TEX46: variants seen among roughly 807,000 people sequenced by gnomAD.
The protein encoded by TEX46 is testis expressed 46, also known as testis-expressed protein 46.
A neutral mutation model predicts 5.3 loss-of-function variants in TEX46; 6 were observed. That is an observed-to-expected ratio of 1.13 (90% confidence interval 0.62 to 2.23). The LOEUF (loss-of-function observed/expected upper bound fraction) is 2.23. Ranked by LOEUF, TEX46 falls within the 30% of genes most tolerant of loss-of-function variation. The pLI, the probability that TEX46 is intolerant of heterozygous loss-of-function variation, is 0.00. For missense variants in TEX46, 131 were observed against 150.9 expected (o/e 0.87, Z 0.69); for synonymous variants, 41 against 54.6 (o/e 0.75, Z 1.10).
Position 23,013,876 on chromosome 1 carries a change from T to G in TEX46, c.165+7A>C. ...TGAGCTGAAGCCAAGCCCCATCTTG[T>G]GCTCACCTGCTGGGGCTCTGGGAGG... On this transcript the variant is annotated splice_region_variant and intron_variant, in intron 2 of 2. Coordinates refer to ENST00000566855, the MANE Select transcript of TEX46 (RefSeq NM_001242521.2). 6.5e-7 allele frequency: 1 copy of G among 1,535,700 alleles called. No individual in the cohort carries two copies. Among genetic ancestry groups the G allele is most frequent in the South Asian group, 1.2e-5 (1 of 83,982 alleles).
At chr1:23,015,464 A>AAAAAAC (rs1641407103) in intron 1 of TEX46, among the ~76,000 whole-genome samples, 1 of 150,210 alleles carries the variant, frequency 6.7e-6, no homozygotes, top group Non-Finnish European at 1.5e-5. Context: ...AAAAAAAAAA[A>AAAAAAC]AAAAGCATAC....
chr1:23,011,367 G>A (rs974986083), intron 2 of TEX46, among the ~76,000 whole-genome samples: 2 of 151,820 alleles, frequency 1.3e-5, no homozygotes, highest in Non-Finnish European at 2.9e-5. Context: ...TGGAGACTTG[G>A]GACCCAGTAA....
At chr1:23,014,192 TAAC>T in intron 1 of TEX46, 147 bp from the exon 2 acceptor site, 1 of 1,061,120 alleles carries the variant, frequency 9.4e-7, no homozygotes, top group Non-Finnish European at 1.2e-6. Context: ...AGCTGCCGCA[TAAC>T]AATAATAATA....
intron 1 of TEX46, 24 bp downstream of exon 1, chr1:23,015,748 C>G: frequency 2.9e-6 from 2 of 683,058 alleles, no homozygotes; most frequent in Non-Finnish European, 5.3e-6. Flanking sequence ...AAAAAAAAAA[C>G]AAATACCGTA....
chr1:23,013,902 G>A lies in TEX46; in HGVS notation c.146C>T (p.Thr49Ile), dbSNP rs1341220786. The part of the protein sequence containing the change: ...NWLVKYEHKL[T>I]LPEPQQDEIL... ...GCTCACCTGCTGGGGCTCTGGGAGG[G>A]TGAGCTTGTGTTCATACTTGACCAA... Residue 49 changes from threonine to isoleucine, a missense_variant, in exon 2 of 3, where the codon ACC (threonine) becomes ATC (isoleucine). Thr to Ile is a moderately conservative substitution (Grantham distance 89). Transcript: ENST00000566855. 4 of 1,536,072 alleles carry A rather than the reference G, an allele frequency of 2.6e-6. No homozygotes were observed. The highest frequency in any genetic ancestry group is 2.4e-5 in the East Asian group (1 of 40,916).
chr1:23,013,755 T>G, intron 2 of TEX46, 128 bp downstream of exon 2: 1 of 848,330 alleles, frequency 1.2e-6, no homozygotes, highest in Non-Finnish European at 1.8e-6. Flanking sequence ...AGAGTGGTGG[T>G]TTAGACCAGT....
intron 1 of TEX46, among the ~76,000 whole-genome samples, chr1:23,014,813 G>A (rs1248351879): frequency 2.0e-5 from 3 of 151,582 alleles, no homozygotes; most frequent in African/African-American, 7.3e-5. Flanking sequence ...CTCCCTCCTG[G>A]AGACATTAAC....
chr1:23,015,651 A>G (rs999793688), intron 1 of TEX46, 121 bp downstream of exon 1: 4 of 626,630 alleles, frequency 6.4e-6, no homozygotes, highest in African/African-American at 3.7e-5. Context: ...ACGCAATATT[A>G]CCAGCCTTAA....
chr1:23,013,778 A>G (rs1229416157), intron 2 of TEX46, 105 bp downstream of exon 2: 6 of 1,042,430 alleles, frequency 5.8e-6, no homozygotes, highest in Non-Finnish European at 6.9e-6. Flanking sequence ...TGGATTCCCC[A>G]GTCTTGCCCC....
At chr1:23,014,828 A>ATTATT (rs1002852286) in intron 1 of TEX46, among the ~76,000 whole-genome samples, 2 of 151,566 alleles carry the variant, frequency 1.3e-5, no homozygotes, top group Non-Finnish European at 2.9e-5. Flanking sequence ...ATTAACTTTT[A>ATTATT]TTATTTTATT....
At chr1:23,014,195 C>CAAT in intron 1 of TEX46, 150 bp from the exon 2 acceptor site, 1 of 1,362,490 alleles carries the variant, frequency 7.3e-7, no homozygotes, top group Non-Finnish European at 9.6e-7. Context: ...TGCCGCATAA[C>CAAT]AATAATAATA....
Position 23,010,989 on chromosome 1 carries a change from C to T in TEX46, c.278G>A (p.Arg93Gln), listed in dbSNP as rs1307601270. Reference sequence around the variant, plus strand: ...TCTGTGTTTTTTCATGGGAAAATTCCGATGTCTGCTTGACCGCCCGTGGTG... The same window carrying T: ...TCTGTGTTTTTTCATGGGAAAATTCTGATGTCTGCTTGACCGCCCGTGGTG... ...MNHHGRSSRHRNFPMKKHRMR... is the reference protein window; with the variant it reads ...MNHHGRSSRHQNFPMKKHRMR... The change falls in exon 3 of 3, where the codon CGG becomes CAG. Residue 93 changes from arginine to glutamine, a missense_variant. By Grantham distance (43) the Arg-to-Gln change is conservative. Coordinates refer to ENST00000566855, the MANE Select transcript of TEX46 (RefSeq NM_001242521.2). The T allele has an allele frequency of 1.6e-5, 24 of 1,535,804 alleles. No individual in the cohort carries two copies. Among genetic ancestry groups the T allele is most frequent in the East Asian group, 2.4e-5 (1 of 40,910 alleles).
chr1:23,015,466 A>AAAAAAAAAC (rs1641407249), intron 1 of TEX46, among the ~76,000 whole-genome samples: 1 of 139,386 alleles, frequency 7.2e-6, no homozygotes, highest in Non-Finnish European at 1.6e-5. Flanking sequence ...AAAAAAAAAA[A>AAAAAAAAAC]AAGCATACAT....
In TEX46 at chr1:23,011,121, T is replaced by C. The variant is rs779347696; in HGVS notation, c.166-20A>G. The C allele has an allele frequency of 1.3e-6, 2 of 1,529,144 alleles. No individual in the cohort carries two copies. Among genetic ancestry groups the C allele is most frequent in the East Asian group, 4.9e-5 (2 of 40,840 alleles). 94.7% of individuals were successfully genotyped at this position (1,529,144 alleles called of 1,614,324 possible). A position where few individuals can be genotyped will look rare whatever the true frequency, so the allele number is the denominator to read the frequency against. ...CTCGTCCTGGAGGGCAAAGCAGGCA[T>C]GCGTTCTATTGACTTCTTTTGTGTT... On this transcript the variant is annotated intron_variant, in intron 2 of 2. Coordinates refer to ENST00000566855, the MANE Select transcript of TEX46 (RefSeq NM_001242521.2).
At position 23,013,947 on chromosome 1, in the gene TEX46, A is replaced by G. The variant is rs1475475213; in HGVS notation, c.101T>C (p.Leu34Pro). ...KPALFGFLFL[L>P]LLLSNWLVKY... ...GACCAACCAGTTGCTAAGCAACAGCAGAAGGAATAGGAACCCAAACAAGGC... is the reference window on the plus strand; with the variant it reads ...GACCAACCAGTTGCTAAGCAACAGCGGAAGGAATAGGAACCCAAACAAGGC... Residue 34 changes from leucine to proline, a missense_variant, in exon 2 of 3, where the codon CTG becomes CCG. Transcript: ENST00000566855. 6.5e-7 allele frequency: 1 copy of G among 1,536,140 alleles called. No homozygotes were observed. The highest frequency in any genetic ancestry group is 8.7e-7 in the Non-Finnish European group (1 of 1,146,886).
chr1:23,014,082 T>C (rs1434656370), intron 1 of TEX46, 37 bp from the exon 2 acceptor site: 3 of 1,527,914 alleles, frequency 2.0e-6, no homozygotes, highest in Non-Finnish European at 2.6e-6. Flanking sequence ...CATTATGGCG[T>C]GGAGGCACAC....
chr1:23,015,667 A>G (rs1228616853), intron 1 of TEX46, 105 bp downstream of exon 1: 1 of 646,968 alleles, frequency 1.5e-6, no homozygotes. Context: ...CTTAAAAAGG[A>G]AGGAAATTCT....
At chr1:23,011,215 A>C (rs1431990533) in intron 2 of TEX46, 114 bp from the exon 3 acceptor site, 2 of 725,230 alleles carry the variant, frequency 2.8e-6, no homozygotes, top group African/African-American at 3.6e-5. Context: ...TAAGCTCCCC[A>C]GCACCAGGAA....
At chr1:23,014,366 ACAGAGCCCCTACCATCATAGGGG>A (rs773968271) in intron 1 of TEX46, among the ~76,000 whole-genome samples, 1 of 151,994 alleles carries the variant, frequency 6.6e-6, no homozygotes, top group African/African-American at 2.4e-5. Flanking sequence ...AATGGCCAAT[ACAGAGCCCCTACCATCATAGGGG>A]CAAAGAAAAG....
Sources: allele counts gnomAD v4.1 joint callset (sites outside exome capture counted in the v4.1 genomes callset), GRCh38; gene constraint gnomAD v4.1.1; transcripts MANE v1.5; gene names NCBI Gene and HGNC (gene_info 2026-07-23, HGNC 2026-07-21).